The following ALCAM variants were observed in gnomAD, a reference collection of about 807,000 sequenced individuals.
The protein encoded by ALCAM is CD166 antigen.
A neutral mutation model predicts 70.9 loss-of-function variants in ALCAM; 30 were observed. The observed-to-expected ratio is 0.42, with a 90% CI of 0.32 to 0.57. ALCAM has a LOEUF of 0.57. Ranked by LOEUF, ALCAM falls within the 20% of genes least tolerant of loss-of-function variation. The pLI is 0.11. For synonymous variants in ALCAM, 249 were observed against 242.5 expected, an observed-to-expected ratio of 1.03 and a Z score of -0.25; for missense variants, 591 against 695.1, an observed-to-expected ratio of 0.85 and a Z score of 1.68.
chr3:105,560,179 A>C (rs1169709358), intron 14 of ALCAM, among the ~76,000 whole-genome samples: 15 of 152,182 alleles, frequency 9.9e-5, no homozygotes, highest in Admixed American at 9.8e-4. Flanking sequence ...TGAGAGTTTT[A>C]GTTCCTTCCC....
chr3:105,570,218 AATAG>A (rs1940831778), intron 14 of ALCAM, among the ~76,000 whole-genome samples: 1 of 152,200 alleles, frequency 6.6e-6, no homozygotes, highest in African/African-American at 2.4e-5. Flanking sequence ...TATTGTAGTT[AATAG>A]ATAAGGCAAT....
intron 1 of ALCAM, among the ~76,000 whole-genome samples, chr3:105,477,426 A>G (rs982787644): frequency 2.0e-5 from 3 of 152,068 alleles, no homozygotes; most frequent in Admixed American, 6.6e-5. Flanking sequence ...TTTTTCTTTC[A>G]GTGCTTTAAA....
chr3:105,527,394 C>T (rs1422058340), intron 3 of ALCAM, among the ~76,000 whole-genome samples: 3 of 152,108 alleles, frequency 2.0e-5, no homozygotes, highest in African/African-American at 7.2e-5. Context: ...GGGCAAGTCA[C>T]CTCACCAGTC....
At chr3:105,518,581 A>T (rs2152622248) in intron 1 of ALCAM, among the ~76,000 whole-genome samples, 1 of 152,172 alleles carries the variant, frequency 6.6e-6, no homozygotes, top group Non-Finnish European at 1.5e-5. Context: ...GAATAAAAAA[A>T]TTTCTTCATT....
At chr3:105,416,812 A>G (rs1288190688) in intron 1 of ALCAM, among the ~76,000 whole-genome samples, 1 of 152,014 alleles carries the variant, frequency 6.6e-6, no homozygotes, top group Admixed American at 6.6e-5. Context: ...ATTCATTTTC[A>G]TAATTCCTTG....
At chr3:105,537,993 C>T (rs958393896) in intron 6 of ALCAM, among the ~76,000 whole-genome samples, 2 of 152,106 alleles carry the variant, frequency 1.3e-5, no homozygotes, top group Non-Finnish European at 2.9e-5. Context: ...AAGACTCTCA[C>T]TTGAGCTGGG....
In ALCAM at chr3:105,575,703, T is replaced by C. The variant is rs1003460866; in HGVS notation, c.*1252T>C. The C allele has an allele frequency of 6.6e-6, 1 of 152,342 alleles. No homozygotes were observed. Among genetic ancestry groups the C allele is most frequent in the African/African-American group, 2.4e-5 (1 of 41,442 alleles). The allele number at this position is 152,342 out of a possible 1,614,324, so 9.4% of individuals were successfully genotyped here. ...TTGAAGTAGACCAGATATGGGCTACTTGTGACTAGACTTTTAAACTTTGCT... is the reference window on the plus strand; with the variant it reads ...TTGAAGTAGACCAGATATGGGCTACCTGTGACTAGACTTTTAAACTTTGCT... On this transcript the variant is annotated 3_prime_UTR_variant, in exon 16 of 16. Transcript: ENST00000306107.
intron 1 of ALCAM, among the ~76,000 whole-genome samples, chr3:105,465,352 G>C (rs1937687466): frequency 6.6e-6 from 1 of 151,460 alleles, no homozygotes; most frequent in African/African-American, 2.4e-5. Context: ...AGTAGGTTCA[G>C]AAGAATCAGA....
At chr3:105,514,674 G>A (rs1456815703) in intron 1 of ALCAM, among the ~76,000 whole-genome samples, 1 of 151,856 alleles carries the variant, frequency 6.6e-6, no homozygotes, top group South Asian at 2.1e-4. Flanking sequence ...GGTACTACTA[G>A]TAGTTTATAA....
intron 14 of ALCAM, among the ~76,000 whole-genome samples, chr3:105,554,825 C>A (rs1440069149): frequency 2.0e-5 from 3 of 151,894 alleles, no homozygotes; most frequent in Non-Finnish European, 4.4e-5. Flanking sequence ...CTCACAAATC[C>A]AACAGCTTGC....
chr3:105,531,852 C>T (rs1255732847), intron 3 of ALCAM, 150 bp from the exon 4 acceptor site: 3 of 722,666 alleles, frequency 4.2e-6, no homozygotes, highest in South Asian at 1.6e-5. Flanking sequence ...CTATAGATTC[C>T]CCAAATCCAG....
chr3:105,496,703 T>C (rs1938748429), intron 1 of ALCAM, among the ~76,000 whole-genome samples: 1 of 152,164 alleles, frequency 6.6e-6, no homozygotes, highest in East Asian at 1.9e-4. Context: ...CTGAGGTAGA[T>C]AAGATTATCT....
chr3:105,475,896 C>G (rs529498554), intron 1 of ALCAM, among the ~76,000 whole-genome samples: 4 of 151,900 alleles, frequency 2.6e-5, no homozygotes, highest in Non-Finnish European at 4.4e-5. Flanking sequence ...ACTCTTCTAT[C>G]ACCTTCTTCT....
At chr3:105,416,197 A>G (rs1936503146) in intron 1 of ALCAM, among the ~76,000 whole-genome samples, 1 of 152,056 alleles carries the variant, frequency 6.6e-6, no homozygotes, top group Non-Finnish European at 1.5e-5. Context: ...CACTGTTTAC[A>G]TTGAAGGATA....
At chr3:105,511,930 C>T (rs1349828026) in intron 1 of ALCAM, among the ~76,000 whole-genome samples, 1 of 151,890 alleles carries the variant, frequency 6.6e-6, no homozygotes, top group African/African-American at 2.4e-5. Context: ...AATTCACTAC[C>T]TCAATTATAA....
intron 1 of ALCAM, among the ~76,000 whole-genome samples, chr3:105,415,450 G>A (rs1936484419): frequency 6.6e-6 from 1 of 152,008 alleles, no homozygotes; most frequent in Admixed American, 6.6e-5. Flanking sequence ...CTTTTGCATA[G>A]GAAATAAACA....
chr3:105,437,777 T>C (rs1937084130), intron 1 of ALCAM, among the ~76,000 whole-genome samples: 1 of 152,084 alleles, frequency 6.6e-6, no homozygotes, highest in Admixed American at 6.5e-5. Context: ...AAAACTCCTT[T>C]TAAAATTTTA....
chr3:105,386,629 T>C (rs1935662613), intron 1 of ALCAM, among the ~76,000 whole-genome samples: 1 of 151,266 alleles, frequency 6.6e-6, no homozygotes, highest in Non-Finnish European at 1.5e-5. Flanking sequence ...TTCCTGACAG[T>C]CTAGACTTGG....
intron 1 of ALCAM, among the ~76,000 whole-genome samples, chr3:105,372,960 CT>C (rs1305869363): frequency 6.6e-6 from 1 of 152,078 alleles, no homozygotes; most frequent in African/African-American, 2.4e-5. Context: ...GTCTTCTGGC[CT>C]TTGCTCAATG....
Sources: allele counts gnomAD v4.1 joint callset (sites outside exome capture counted in the v4.1 genomes callset), GRCh38; gene constraint gnomAD v4.1.1; transcripts MANE v1.5; gene names NCBI Gene and HGNC (gene_info 2026-07-23, HGNC 2026-07-21).